The following KCNH1 variants were observed in gnomAD, a reference collection of about 807,000 sequenced individuals.
The protein encoded by KCNH1 is potassium voltage-gated channel subfamily H member 1.
A neutral mutation model predicts 69.2 loss-of-function variants in KCNH1; 27 were observed. The ratio of observed to expected loss-of-function variants is 0.39; its 90% confidence interval spans 0.29 to 0.54. The LOEUF (loss-of-function observed/expected upper bound fraction) is 0.54. KCNH1 is among the 20% of genes least tolerant of loss of function. The probability of loss-of-function intolerance (pLI) is 0.68; values close to 1 mark genes in which losing one functional copy is unlikely to be tolerated. For synonymous variants in KCNH1, 456 were observed against 487.7 expected (o/e 0.93, Z 0.86); for missense variants, 798 against 1,261.6 (o/e 0.63, Z 5.57).
At chr1:210,970,360 T>C (rs1348870439) in intron 6 of KCNH1, among the ~76,000 whole-genome samples, 1 of 151,880 alleles carries the variant, frequency 6.6e-6, no homozygotes, top group Non-Finnish European at 1.5e-5. Flanking sequence ...TGAGAACATG[T>C]GGTGTTTGTT....
intron 6 of KCNH1, 111 bp from the exon 7 acceptor site, chr1:210,920,180 A>G (rs2102562061): frequency 1.1e-6 from 1 of 869,906 alleles, no homozygotes; most frequent in South Asian, 2.0e-5. Context: ...CATGAGATGC[A>G]ATTTTATGCA....
chr1:211,119,836 A>T (rs1296411357), intron 1 of KCNH1, among the ~76,000 whole-genome samples: 1 of 152,236 alleles, frequency 6.6e-6, no homozygotes, highest in Non-Finnish European at 1.5e-5. Flanking sequence ...TTTTTTATTA[A>T]GTCAGTAAAT....
chr1:211,004,231 T>C (rs1689238217), intron 6 of KCNH1, among the ~76,000 whole-genome samples: 1 of 152,082 alleles, frequency 6.6e-6, no homozygotes, highest in Admixed American at 6.6e-5. Context: ...GCAGACTAAA[T>C]AAATGCTAAA....
intron 10 of KCNH1, among the ~76,000 whole-genome samples, chr1:210,696,095 G>A (rs949955492): frequency 2.0e-5 from 3 of 152,214 alleles, no homozygotes; most frequent in African/African-American, 7.2e-5. Context: ...GGCAGTCAGG[G>A]TGCAGCTCCA....
At chr1:211,097,686 C>A (rs573744058) in intron 3 of KCNH1, among the ~76,000 whole-genome samples, 18 of 152,338 alleles carry the variant, frequency 1.2e-4, no homozygotes, top group Admixed American at 2.6e-4. Context: ...CTGTGACCCA[C>A]CGGGTCTGGC....
intron 5 of KCNH1, among the ~76,000 whole-genome samples, chr1:211,072,344 C>G (rs1024124174): frequency 6.6e-6 from 1 of 152,076 alleles, no homozygotes; most frequent in Admixed American, 6.6e-5. Context: ...GTAGACCTGC[C>G]TTGCAAGAAA....
rs557905372 is a variant in KCNH1, at chr1:210,863,174, G to C, written c.1462+56466C>G. 1.4e-4 allele frequency among the ~76,000 whole-genome samples: 22 copies of C among 152,298 alleles called. 1 individual carries two copies. Among genetic ancestry groups the C allele is most frequent in the East Asian group, 1.9e-4 (1 of 5,182 alleles). On this transcript the variant is annotated intron_variant, in intron 7 of 10. Transcript: ENST00000271751. ...TTTAGGGATGATAAGGAGCAGAAAG[G>C]CTTGGTCTGCTTTACCTGGTGAGCC... is the stretch of plus-strand genomic sequence containing the variant.
chr1:210,979,592 T>C (rs1688674793), intron 6 of KCNH1, among the ~76,000 whole-genome samples: 1 of 152,272 alleles, frequency 6.6e-6, no homozygotes, highest in Middle Eastern at 3.2e-3. Flanking sequence ...TCTGTGAATT[T>C]ATTATAGATG....
chr1:211,087,412 C>A (rs1231158331), intron 4 of KCNH1, among the ~76,000 whole-genome samples: 2 of 152,076 alleles, frequency 1.3e-5, no homozygotes, highest in East Asian at 3.8e-4. Flanking sequence ...GCTTTACACT[C>A]TAATTCTATA....
chr1:211,091,294 G>A (rs1284309815), intron 3 of KCNH1, among the ~76,000 whole-genome samples: 7 of 152,042 alleles, frequency 4.6e-5, no homozygotes, highest in African/African-American at 1.2e-4. Context: ...TGATTCTCCC[G>A]CCTCAGCCTC....
chr1:210,775,558 G>A lies in KCNH1; in HGVS notation c.1916-14C>T. On this transcript the variant is annotated splice_polypyrimidine_tract_variant and intron_variant, in intron 9 of 10. Coordinates refer to ENST00000271751, the MANE Select transcript of KCNH1 (RefSeq NM_172362.3). ...CGTCTCCTTTTCCTAAGGAGAGAAG[G>A]TTGTCATGAGGAAAGTGTTGGCCAG... 1.2e-6 allele frequency: 2 copies of A among 1,607,820 alleles called. No homozygotes were observed. The highest frequency in any genetic ancestry group is 1.7e-6 in the Non-Finnish European group (2 of 1,175,374).
At chr1:210,986,286 TA>T (rs2102383980) in intron 6 of KCNH1, among the ~76,000 whole-genome samples, 1 of 152,354 alleles carries the variant, frequency 6.6e-6, no homozygotes, top group African/African-American at 2.4e-5. Context: ...CATTTACATT[TA>T]AGGTTAATAT....
intron 6 of KCNH1, among the ~76,000 whole-genome samples, chr1:210,939,068 C>G (rs1165184438): frequency 6.6e-6 from 1 of 152,096 alleles, no homozygotes; most frequent in East Asian, 1.9e-4. Context: ...CCCCTGATCC[C>G]CATAGGCGGA....
At chr1:211,053,550 C>G (rs143820038) in intron 5 of KCNH1, among the ~76,000 whole-genome samples, 1 of 152,170 alleles carries the variant, frequency 6.6e-6, no homozygotes, top group African/African-American at 2.4e-5. Flanking sequence ...GGAAACTCAT[C>G]ATCTATCTAG....
chr1:210,815,126 C>T (rs1684787209), intron 7 of KCNH1, among the ~76,000 whole-genome samples: 1 of 152,190 alleles, frequency 6.6e-6, no homozygotes, highest in Non-Finnish European at 1.5e-5. Flanking sequence ...CCCAGACCTA[C>T]TGGATCAGAA....
chr1:210,985,219 T>G (rs1436652574), intron 6 of KCNH1, among the ~76,000 whole-genome samples: 1 of 152,190 alleles, frequency 6.6e-6, no homozygotes. Context: ...TTTGTTGATC[T>G]TTTCAAAAAA....
At chr1:211,065,661 T>C (rs1366720733) in intron 5 of KCNH1, among the ~76,000 whole-genome samples, 1 of 152,206 alleles carries the variant, frequency 6.6e-6, no homozygotes, top group African/African-American at 2.4e-5. Flanking sequence ...AATATAAGTA[T>C]GTGAGGTGAC....
chr1:211,098,930 T>C (rs1051808043), intron 3 of KCNH1, among the ~76,000 whole-genome samples: 15 of 152,224 alleles, frequency 9.9e-5, no homozygotes, highest in Non-Finnish European at 2.1e-4. Flanking sequence ...TCTGGAAAGC[T>C]ATTTGGCAAA....
intron 10 of KCNH1, among the ~76,000 whole-genome samples, chr1:210,724,588 G>T (rs975226452): frequency 1.3e-5 from 2 of 152,180 alleles, no homozygotes; most frequent in African/African-American, 4.8e-5. Context: ...CAGGCTGAGG[G>T]TTAAATGTCT....
Sources: allele counts gnomAD v4.1 joint callset (sites outside exome capture counted in the v4.1 genomes callset), GRCh38; gene constraint gnomAD v4.1.1; transcripts MANE v1.5; gene names NCBI Gene and HGNC (gene_info 2026-07-23, HGNC 2026-07-21).